EXOC4: variants seen among roughly 807,000 people sequenced by gnomAD.
EXOC4 encodes exocyst complex component 4.
EXOC4 carries 71 observed loss-of-function variants against 107.2 expected under a neutral mutation model. That is an observed-to-expected ratio of 0.66 (90% CI 0.55 to 0.81). The LOEUF is 0.81. Ranked by LOEUF, EXOC4 falls within the 30% of genes least tolerant of loss-of-function variation. The pLI is 0.00. For synonymous variants in EXOC4, 456 were observed against 441.2 expected, an observed-to-expected ratio of 1.03 and a Z score of -0.42; for missense variants, 1,108 against 1,189.6, an observed-to-expected ratio of 0.93 and a Z score of 1.01.
At chr7:133,321,077 T>C (rs371461165) in intron 5 of EXOC4, among the ~76,000 whole-genome samples, 1 of 152,124 alleles carries the variant, frequency 6.6e-6, no homozygotes, top group African/African-American at 2.4e-5. Context: ...GTGTAATCCA[T>C]TAGAATTGAC....
At chr7:133,486,369 G>A (rs1042202765) in intron 9 of EXOC4, among the ~76,000 whole-genome samples, 1 of 152,120 alleles carries the variant, frequency 6.6e-6, no homozygotes, top group Admixed American at 6.5e-5. Context: ...TATATAGCAA[G>A]CTGTTCTATA....
At chr7:133,372,457 A>G (rs913213463) in intron 6 of EXOC4, among the ~76,000 whole-genome samples, 4 of 152,198 alleles carry the variant, frequency 2.6e-5, no homozygotes, top group African/African-American at 9.6e-5. Context: ...AGAAACTGGA[A>G]CTGTGTCAGC....
At chr7:133,835,095 C>T (rs1208311151) in intron 11 of EXOC4, among the ~76,000 whole-genome samples, 2 of 152,152 alleles carry the variant, frequency 1.3e-5, no homozygotes, top group African/African-American at 4.8e-5. Context: ...ATCCATTAAA[C>T]CTCTTTCCTG....
intron 10 of EXOC4, among the ~76,000 whole-genome samples, chr7:133,795,254 G>C (rs560334293): frequency 1.3e-5 from 2 of 152,226 alleles, no homozygotes; most frequent in South Asian, 4.1e-4. Context: ...GGGCTATAAA[G>C]TTGTCTGCTT....
chr7:133,841,299 A>T (rs888485062), intron 11 of EXOC4, among the ~76,000 whole-genome samples: 1 of 152,182 alleles, frequency 6.6e-6, no homozygotes. Flanking sequence ...GGATTTCAAC[A>T]TATGAATTTG....
chr7:133,323,506 A>G (rs1168312605), intron 5 of EXOC4, among the ~76,000 whole-genome samples: 1 of 151,996 alleles, frequency 6.6e-6, no homozygotes, highest in Non-Finnish European at 1.5e-5. Flanking sequence ...TATATGCTGG[A>G]TTATGTTTAT....
intron 9 of EXOC4, among the ~76,000 whole-genome samples, chr7:133,484,829 A>C (rs4731955): frequency 2.0e-5 from 3 of 151,868 alleles, no homozygotes; most frequent in Non-Finnish European, 2.9e-5. Flanking sequence ...CTGTAATCCC[A>C]GCACTTTGGG....
the EXOC4 span, among the ~76,000 whole-genome samples, chr7:134,095,732 A>G: frequency 6.6e-6 from 1 of 152,178 alleles, no homozygotes; most frequent in African/African-American, 2.4e-5. Flanking sequence ...AAGACTTCCT[A>G]TTCAATAAAT....
chr7:133,259,207 G>GA (rs1439292256), intron 1 of EXOC4, among the ~76,000 whole-genome samples: 2 of 148,534 alleles, frequency 1.3e-5, no homozygotes, highest in South Asian at 2.1e-4. Context: ...CAGTAGGGAA[G>GA]AAAAAATCAC....
chr7:133,683,029 A>C (rs1367442736), intron 10 of EXOC4, among the ~76,000 whole-genome samples: 1 of 152,160 alleles, frequency 6.6e-6, no homozygotes, highest in African/African-American at 2.4e-5. Context: ...AAAACTGTGA[A>C]GGCTCATTTA....
chr7:133,305,587 A>G (rs1794733700), intron 3 of EXOC4, among the ~76,000 whole-genome samples: 1 of 152,154 alleles, frequency 6.6e-6, no homozygotes, highest in Non-Finnish European at 1.5e-5. Context: ...GTATCATTTA[A>G]ATAGGGAGGT....
In EXOC4 at chr7:133,853,919, C is replaced by CA. The variant is rs536080363; in HGVS notation, c.1734+36376dup. Among the ~76,000 whole-genome samples the CA allele has an allele frequency of 1.4e-4, 22 of 152,272 alleles. No homozygotes were observed. In the East Asian group the frequency reaches 4.3e-3, roughly 29 times the overall value. On this transcript the variant is annotated intron_variant, in intron 11 of 17. Coordinates refer to ENST00000253861, the MANE Select transcript of EXOC4 (RefSeq NM_021807.4). ...TCTTTGGCTGGCATATTTGTGGGCA[C>CA]AGAGTATTCACGAACAAGGTTTCAG...
chr7:133,988,594 G>A (rs1432291746), intron 14 of EXOC4, among the ~76,000 whole-genome samples: 1 of 152,138 alleles, frequency 6.6e-6, no homozygotes, highest in Non-Finnish European at 1.5e-5. Context: ...CTAGAATTGA[G>A]AGGGGTAGGG....
the EXOC4 span, among the ~76,000 whole-genome samples, chr7:134,075,340 T>C: frequency 6.6e-6 from 1 of 152,206 alleles, no homozygotes; most frequent in Admixed American, 6.5e-5. Flanking sequence ...TTTCTGAGCC[T>C]GTATTAGTCC....
At chr7:133,917,840 G>A in intron 13 of EXOC4, 102 bp downstream of exon 13, 2 of 1,152,360 alleles carry the variant, frequency 1.7e-6, no homozygotes, top group African/African-American at 1.6e-5. Context: ...TAAAAATCAA[G>A]CAGCAATTAC....
chr7:133,681,902 CATTATT>C, intron 10 of EXOC4, among the ~76,000 whole-genome samples: 1 of 151,426 alleles, frequency 6.6e-6, no homozygotes, highest in East Asian at 1.9e-4. Flanking sequence ...AATTGGTAGC[CATTATT>C]ATTATTATTA....
intron 10 of EXOC4, among the ~76,000 whole-genome samples, chr7:133,785,765 C>T (rs1211230752): frequency 6.6e-6 from 1 of 151,992 alleles, no homozygotes; most frequent in Non-Finnish European, 1.5e-5. Context: ...CTCTGTCTCC[C>T]GGGTTCATGC....
intron 7 of EXOC4, among the ~76,000 whole-genome samples, chr7:133,454,514 C>A (rs1798419928): frequency 6.6e-6 from 1 of 152,114 alleles, no homozygotes; most frequent in African/African-American, 2.4e-5. Context: ...CCATGCAGGT[C>A]TCATACTCCT....
At position 133,650,088 on chromosome 7, in the gene EXOC4, C is replaced by T. The variant is rs1162492578; in HGVS notation, c.1514+19947C>T. On this transcript the variant is annotated intron_variant, in intron 10 of 17. Coordinates refer to ENST00000253861, the MANE Select transcript of EXOC4 (RefSeq NM_021807.4). ...TAATACTCTGAACCAGCTTGGAATA[C>T]ATTCTTTTGTTTGATCATTTTTCCT... 3.3e-5 allele frequency among the ~76,000 whole-genome samples: 5 copies of T among 152,112 alleles called. No individual in the cohort carries two copies. In the East Asian group the frequency reaches 9.7e-4, roughly 29 times the overall value.
Sources: gnomAD v4.1 joint callset for allele counts (sites outside exome capture counted in the v4.1 genomes callset) on GRCh38, gnomAD v4.1.1 for gene constraint, MANE v1.5 for transcripts, NCBI Gene and HGNC (gene_info 2026-07-23, HGNC 2026-07-21) for gene names.